Variants in MYO1H observed in about 807,000 individuals in gnomAD.
The protein encoded by MYO1H is unconventional myosin-Ih.
A neutral mutation model predicts 149.3 loss-of-function variants in MYO1H; 118 were observed. That is an observed-to-expected ratio of 0.79 (90% CI 0.68 to 0.92). The LOEUF is 0.92. Ranked by LOEUF, MYO1H falls within the 40% of genes least tolerant of loss-of-function variation. MYO1H has a pLI of 0.00. For missense variants in MYO1H, 1,212 were observed against 1,280.7 expected, an observed-to-expected ratio of 0.95 and a Z score of 0.82; for synonymous variants, 447 against 465.2, an observed-to-expected ratio of 0.96 and a Z score of 0.50.
chr12:109,410,036 G>A, exon 12 of MYO1H: 1 of 1,538,138 alleles, frequency 6.5e-7, no homozygotes, highest in Non-Finnish European at 8.8e-7. Context: ...TCTAAAAGCA[G>A]AACAGGCAGA....
At chr12:109,323,543 T>C in the MYO1H span, among the ~76,000 whole-genome samples, 1 of 152,218 alleles carries the variant, frequency 6.6e-6, no homozygotes, top group African/African-American at 2.4e-5. Flanking sequence ...TTGAGGATCT[T>C]ATTAAAAAGC....
exon 10 of MYO1H, chr12:109,407,892 C>A (rs369837675): frequency 3.1e-6 from 5 of 1,613,876 alleles, no homozygotes; most frequent in Non-Finnish European, 4.2e-6. Flanking sequence ...TCAACAAAAT[C>A]AATTCCTCCT....
intron 1 of MYO1H, among the ~76,000 whole-genome samples, chr12:109,358,901 C>CA (rs1168287628): frequency 1.4e-5 from 2 of 142,418 alleles, no homozygotes; most frequent in Non-Finnish European, 3.0e-5. Flanking sequence ...CCAACCTTTC[C>CA]AATAGGGTTT....
At chr12:109,363,917 A>G (rs1347645817) in intron 1 of MYO1H, among the ~76,000 whole-genome samples, 2 of 151,338 alleles carry the variant, frequency 1.3e-5, no homozygotes, top group African/African-American at 2.4e-5. Context: ...GAAGTGGGTC[A>G]GGCTGGGCAC....
At chr12:109,443,106 A>G (rs1456795151) in intron 27 of MYO1H, among the ~76,000 whole-genome samples, 3 of 76,774 alleles carry the variant, frequency 3.9e-5, no homozygotes, top group Non-Finnish European at 8.1e-5. Context: ...ATGTGTACGT[A>G]TATGTGTGTA....
intron 1 of MYO1H, among the ~76,000 whole-genome samples, chr12:109,364,235 C>T (rs1868818980): frequency 1.3e-5 from 2 of 151,164 alleles, no homozygotes; most frequent in African/African-American, 2.4e-5. Flanking sequence ...GTACCTGTAC[C>T]TCCTGCCTCA....
At chr12:109,368,005 C>T (rs1566019601) in intron 1 of MYO1H, among the ~76,000 whole-genome samples, 1 of 152,170 alleles carries the variant, frequency 6.6e-6, no homozygotes, top group Non-Finnish European at 1.5e-5. Flanking sequence ...AGGTGTTGCA[C>T]CACCACTCAT....
chr12:109,388,885 GTTCCCTTC>G, intron 2 of MYO1H, 41 bp downstream of exon 2: 1 of 1,565,188 alleles, frequency 6.4e-7, no homozygotes, highest in South Asian at 1.2e-5. Context: ...TAGGGTGGTT[GTTCCCTTC>G]TTGCCTTCAC....
Position 109,420,945 on chromosome 12 carries a change from C to T in MYO1H, c.1598-36C>T, listed in dbSNP as rs371360421. On this transcript the variant is annotated intron_variant, in intron 15 of 31. Transcript: ENST00000310903. ...ATGGAATTGTATTTTTAGGCAGAGA[C>T]ATTGATTCAAAAAATTTTTCTTCAA... The T allele has an allele frequency of 4.8e-4, 544 of 1,133,314 alleles. 8 individuals are homozygous for T. The Middle Eastern group carries it at 0.019, about 40-fold the overall frequency. 70.2% of individuals were successfully genotyped at this position (1,133,314 alleles called of 1,614,324 possible).
At chr12:109,339,491 GAA>G in the MYO1H span, among the ~76,000 whole-genome samples, 1 of 152,084 alleles carries the variant, frequency 6.6e-6, no homozygotes, top group African/African-American at 2.4e-5. Context: ...AAACCATTAA[GAA>G]AAAACTTCTG....
chr12:109,322,411 A>G, the MYO1H span, among the ~76,000 whole-genome samples: 1 of 152,238 alleles, frequency 6.6e-6, no homozygotes, highest in Non-Finnish European at 1.5e-5. Context: ...GTTTTAATTT[A>G]ACCGTATTAA....
chr12:109,313,363 G>A, the MYO1H span, among the ~76,000 whole-genome samples: 1 of 152,104 alleles, frequency 6.6e-6, no homozygotes, highest in South Asian at 2.1e-4. Context: ...GTACAGTTCC[G>A]TGGCACTGTG....
chr12:109,441,196 G>T (rs1414375146), intron 25 of MYO1H, among the ~76,000 whole-genome samples: 1 of 152,204 alleles, frequency 6.6e-6, no homozygotes, highest in African/African-American at 2.4e-5. Flanking sequence ...GCCTTTCTCT[G>T]TTGGAATTAC....
chr12:109,411,262 C>A (rs188793330), intron 13 of MYO1H, among the ~76,000 whole-genome samples: 1,707 of 152,300 alleles, frequency 0.011, 11 homozygotes, highest in Non-Finnish European at 0.018. Flanking sequence ...TACCACCACA[C>A]CTGGCTAAAT....
At chr12:109,315,573 C>T in the MYO1H span, among the ~76,000 whole-genome samples, 2 of 152,144 alleles carry the variant, frequency 1.3e-5, no homozygotes, top group East Asian at 1.9e-4. Context: ...AAATTCTACA[C>T]GTTGGGGTTT....
At chr12:109,401,151 A>G (rs1175510874) in exon 6 of MYO1H, 3 of 1,613,960 alleles carry the variant, frequency 1.9e-6, no homozygotes, top group East Asian at 2.2e-5. Flanking sequence ...CGAGTTGTCT[A>G]CCAAAACGAA....
chr12:109,433,468 T>G lies in MYO1H; in HGVS notation c.2063+458T>G, dbSNP rs146617304. On this transcript the variant is annotated intron_variant, in intron 20 of 31. Coordinates refer to ENST00000310903, the Ensembl canonical transcript of MYO1H. ...CATGAGCAGAGACTTTCGTACACATTGAAAGCTTTCAGGCACAACTCAAGG... is the reference window on the plus strand; with the variant it reads ...CATGAGCAGAGACTTTCGTACACATGGAAAGCTTTCAGGCACAACTCAAGG... Among the ~76,000 whole-genome samples the G allele has an allele frequency of 2.8e-4, 43 of 152,358 alleles. 1 individual carries two copies. Among genetic ancestry groups the G allele is most frequent in the African/African-American group, 1.0e-3 (43 of 41,590 alleles).
intron 1 of MYO1H, among the ~76,000 whole-genome samples, chr12:109,383,338 A>C (rs1869243337): frequency 6.6e-6 from 1 of 152,240 alleles, no homozygotes; most frequent in Non-Finnish European, 1.5e-5. Flanking sequence ...GGCCAAGTTT[A>C]ACATGGGAGA....
chr12:109,376,413 T>C (rs540703665), intron 1 of MYO1H, among the ~76,000 whole-genome samples: 14 of 152,344 alleles, frequency 9.2e-5, no homozygotes, highest in Non-Finnish European at 1.8e-4. Flanking sequence ...TGTTGTAACA[T>C]GTATCAGTAC....
Sources: allele counts gnomAD v4.1 joint callset (sites outside exome capture counted in the v4.1 genomes callset), GRCh38; gene constraint gnomAD v4.1.1; transcripts MANE v1.5; gene names NCBI Gene and HGNC (gene_info 2026-07-23, HGNC 2026-07-21).